The following RUNX3 variants were observed in gnomAD, a reference collection of about 807,000 sequenced individuals.
The protein encoded by RUNX3 is runt-related transcription factor 3.
Under a neutral mutation model 27.7 loss-of-function variants are expected in RUNX3, and 10 were observed. That is an observed-to-expected ratio of 0.36 (90% CI 0.22 to 0.61). The LOEUF (loss-of-function observed/expected upper bound fraction) is 0.61, where lower values mean the gene tolerates loss of function less well. RUNX3 is among the 20% of genes least tolerant of loss of function. The pLI is 0.72. For synonymous variants in RUNX3, 270 were observed against 269.2 expected, an observed-to-expected ratio of 1.00 and a Z score of -0.03; for missense variants, 469 against 629.5, an observed-to-expected ratio of 0.75 and a Z score of 2.73.
At chr1:24,919,199 C>G (rs953786684) in intron 3 of RUNX3, 41 bp downstream of exon 3, 3 of 1,308,314 alleles carry the variant, frequency 2.3e-6, no homozygotes, top group African/African-American at 3.0e-5. Context: ...ACTGGACCCT[C>G]CTCCCCCGCG....
At chr1:24,935,303 C>G (rs1024410803) in intron 2 of RUNX3, among the ~76,000 whole-genome samples, 1 of 152,210 alleles carries the variant, frequency 6.6e-6, no homozygotes, top group South Asian at 2.1e-4. Context: ...CGGGGGTGCA[C>G]TTTCAAGGCC....
Position 24,902,208 on chromosome 1 carries a change from C to A in RUNX3, c.1162G>T (p.Val388Leu). The change falls in exon 5 of 5, where the codon GTG (valine) becomes TTG (leucine). Residue 388 changes from valine (V) to leucine (L), a missense_variant. Val to Leu is a conservative substitution (Grantham distance 32). This residue lies in a region of RUNX3 where 279 missense variants were observed against 343.0 expected (regional missense o/e 0.81). Transcript: ENST00000308873. This position sits in a 1 kb window ranked among gnomAD's most constrained non-coding sequence, Gnocchi z 9.2. The part of the protein sequence containing the change: ...NPSLGGQSDG[V>L]EADGSHSNSP... ...TTGCTGTGGCTGCCGTCGGCCTCCA[C>A]GCCATCACTCTGGCCGCCCAGGCTG... is the stretch of plus-strand genomic sequence containing the variant. 6.4e-7 allele frequency: 1 copy of A among 1,570,394 alleles called. No homozygotes were observed. The highest frequency in any genetic ancestry group is 8.6e-7 in the Non-Finnish European group (1 of 1,159,694).
chr1:24,925,108 C>G (rs1395735550), intron 2 of RUNX3, among the ~76,000 whole-genome samples: 1 of 152,176 alleles, frequency 6.6e-6, no homozygotes, highest in Admixed American at 6.5e-5. Context: ...TCCCAACCCC[C>G]AGTCTTAACT....
intron 2 of RUNX3, among the ~76,000 whole-genome samples, chr1:24,948,602 G>C (rs1641674220): frequency 6.6e-6 from 1 of 151,848 alleles, no homozygotes; most frequent in African/African-American, 2.4e-5. Flanking sequence ...GGTGCATGTG[G>C]AGGAGGGGTA....
intron 2 of RUNX3, among the ~76,000 whole-genome samples, chr1:24,950,662 G>C (rs2124360736): frequency 6.6e-6 from 1 of 152,258 alleles, no homozygotes; most frequent in South Asian, 2.1e-4. Flanking sequence ...CCCTCTGCTT[G>C]GAGTATCTGG....
chr1:24,920,438 C>A (rs774333601), intron 2 of RUNX3, among the ~76,000 whole-genome samples: 2 of 152,120 alleles, frequency 1.3e-5, no homozygotes, highest in Non-Finnish European at 2.9e-5. Context: ...CTGCGTCACA[C>A]CCCAGGGATG....
At position 24,946,044 on chromosome 1, in the gene RUNX3, A is replaced by AGAAT. The variant is rs533843893; in HGVS notation, c.59-16196_59-16193dup. Among the ~76,000 whole-genome samples the AGAAT allele has an allele frequency of 5.2e-3, 793 of 152,240 alleles. 5 individuals are homozygous for AGAAT. The highest frequency in any genetic ancestry group is 8.0e-3 in the Admixed American group (122 of 15,302). On this transcript the variant is annotated intron_variant, in intron 2 of 6. Transcript: ENST00000338888. Reference sequence around the variant, plus strand: ...TTAGGGGGGTTCCCAGAAGCATTTGAGAATGAATGAATGAATGAATGAATG... The same window carrying AGAAT: ...TTAGGGGGGTTCCCAGAAGCATTTGAGAATGAATGAATGAATGAATGAATGAATG...
chr1:24,964,779 T>C (rs1642216817), intron 1 of RUNX3: 1 of 1,273,878 alleles, frequency 7.9e-7, no homozygotes, highest in Admixed American at 2.9e-5. Flanking sequence ...AACGCGAGAG[T>C]GTGTGTGAGT....
In RUNX3 at chr1:24,902,666, C is replaced by T; in HGVS notation, c.704G>A (p.Gly235Asp). ...FSSQPQTPIQ[G>D]TSELNPFSDP... ...GGAGAATGGGTTCAGTTCCGAGGTG[C>T]CTGGAGGACAGCAGGGAAGAGGTCA... The change falls in exon 5 of 5, where the codon GGC becomes GAC. Residue 235 changes from glycine to aspartate, a missense_variant and splice_region_variant. Gly to Asp is a moderately conservative substitution (Grantham distance 94). Around this residue, in one of 3 missense-constraint regions of RUNX3, gnomAD observed 279 missense variants for 343.0 expected, o/e 0.81. Transcript: ENST00000308873. This position sits in a 1 kb window ranked among gnomAD's most constrained non-coding sequence, Gnocchi z 9.2. The T allele has an allele frequency of 1.3e-6, 2 of 1,513,144 alleles. No individual in the cohort carries two copies. The highest frequency in any genetic ancestry group is 1.8e-6 in the Non-Finnish European group (2 of 1,129,300). 93.7% of individuals were successfully genotyped at this position (1,513,144 alleles called of 1,614,324 possible).
rs1641545150 is a variant in RUNX3, at chr1:24,944,080, A to C, written c.59-14228T>G. Among the ~76,000 whole-genome samples the C allele has an allele frequency of 2.0e-5, 3 of 152,102 alleles. 1 individual carries two copies. Among genetic ancestry groups the C allele is most frequent in the African/African-American group, 7.2e-5 (3 of 41,394 alleles). On this transcript the variant is annotated intron_variant, in intron 2 of 6. Coordinates refer to the RUNX3 transcript ENST00000338888. ...GGGCCTTACAGAGTTTCTTATTAAA[A>C]TGTGAGTACTCCTGGAATGGGTGTC... is the stretch of plus-strand genomic sequence containing the variant.
chr1:24,927,050 C>A lies in RUNX3; in HGVS notation c.439+524G>T, dbSNP rs1211912438. Among the ~76,000 whole-genome samples, 1 of 152,096 alleles carries A rather than the reference C, an allele frequency of 6.6e-6. No individual in the cohort carries two copies. Among genetic ancestry groups the A allele is most frequent in the African/African-American group, 2.4e-5 (1 of 41,394 alleles). On this transcript the variant is annotated intron_variant, in intron 2 of 4. Transcript: ENST00000308873. This position sits in a 1 kb window ranked among gnomAD's most constrained non-coding sequence, Gnocchi z 5.0. ...AGCTGTGCTTTCCAACATTCAGCTG[C>A]GTTAGCTTCCGTTCTAGACCACCTA...
chr1:24,938,573 C>T (rs1571336644), intron 2 of RUNX3, among the ~76,000 whole-genome samples: 2 of 152,308 alleles, frequency 1.3e-5, no homozygotes, highest in East Asian at 3.9e-4. Flanking sequence ...GCCTGGAAAT[C>T]ACAGCTAAGA....
intron 2 of RUNX3, among the ~76,000 whole-genome samples, chr1:24,949,513 C>T (rs1641705018): frequency 1.3e-5 from 2 of 152,220 alleles, no homozygotes; most frequent in African/African-American, 4.8e-5. Context: ...CCTGACTCCC[C>T]AAGCGGCCAC....
In RUNX3 at chr1:24,919,232, G is replaced by A; in HGVS notation, c.544+8C>T. On this transcript the variant is annotated splice_region_variant and intron_variant, in intron 3 of 4. Transcript: ENST00000308873. ...GCGCAGGGGCTCAGGGGGCTCGGTG[G>A]CACTTACGTCTGGGCTCCCGGGGTC... The A allele has an allele frequency of 6.4e-7, 1 of 1,574,736 alleles. No individual in the cohort carries two copies. Among genetic ancestry groups the A allele is most frequent in the Non-Finnish European group, 8.6e-7 (1 of 1,156,074 alleles).
At chr1:24,958,893 T>C (rs901862830) in intron 2 of RUNX3, among the ~76,000 whole-genome samples, 1 of 152,170 alleles carries the variant, frequency 6.6e-6, no homozygotes, top group African/African-American at 2.4e-5. Flanking sequence ...GGGCACACTC[T>C]GGGTGGCAGA....
At position 24,904,068 on chromosome 1, in the gene RUNX3, A is replaced by G. The variant is rs376908409; in HGVS notation, c.704-1402T>C. On this transcript the variant is annotated intron_variant, in intron 4 of 4. Coordinates refer to ENST00000308873, the MANE Select transcript of RUNX3 (RefSeq NM_004350.3). The surrounding 1 kb of genome is among the most constrained non-coding windows in gnomAD (Gnocchi z 5.7). ...CCCTGCCAAGTTGAGGCCCTGGTGCAGGGCCTCCCTTCTACTCTGGCAGCC... is the reference window on the plus strand; with the variant it reads ...CCCTGCCAAGTTGAGGCCCTGGTGCGGGGCCTCCCTTCTACTCTGGCAGCC... Among the ~76,000 whole-genome samples, 1 of 152,134 alleles carries G rather than the reference A, an allele frequency of 6.6e-6. No homozygotes were observed. Among genetic ancestry groups the G allele is most frequent in the African/African-American group, 2.4e-5 (1 of 41,422 alleles).
At chr1:24,947,943 G>A (rs1213413977) in intron 2 of RUNX3, among the ~76,000 whole-genome samples, 2 of 152,196 alleles carry the variant, frequency 1.3e-5, no homozygotes, top group Non-Finnish European at 2.9e-5. Context: ...CTTTCTTCCT[G>A]GGGTGACCTG....
rs1442131561 is a variant in RUNX3, at chr1:24,904,848, G to A, written c.704-2182C>T. Among the ~76,000 whole-genome samples, 6 of 152,158 alleles carry A rather than the reference G, an allele frequency of 3.9e-5. No homozygotes were observed. The highest frequency in any genetic ancestry group is 5.9e-5 in the Non-Finnish European group (4 of 68,000). On this transcript the variant is annotated intron_variant, in intron 4 of 4. Coordinates refer to ENST00000308873, the MANE Select transcript of RUNX3 (RefSeq NM_004350.3). This position sits in a 1 kb window ranked among gnomAD's most constrained non-coding sequence, Gnocchi z 5.7. ...CCTCAGACCCCCCAGCAGCTTCCTTGGAGCTCCTGTACCCCCACCCTGCGG... is the reference window on the plus strand; with the variant it reads ...CCTCAGACCCCCCAGCAGCTTCCTTAGAGCTCCTGTACCCCCACCCTGCGG...
At chr1:24,932,247 G>T (rs1441392199), upstream of RUNX3, among the ~76,000 whole-genome samples, 1 of 151,886 alleles carries the variant, frequency 6.6e-6, no homozygotes, top group Non-Finnish European at 1.5e-5. Flanking sequence ...CTGGCACCTG[G>T]CGCAGGGCCC....
Sources: gnomAD v4.1 joint callset for allele counts (sites outside exome capture counted in the v4.1 genomes callset) on GRCh38, gnomAD v4.1.1 for gene constraint, gnomAD v4.1.1 regional missense constraint, Gnocchi (gnomAD v3.1) non-coding constraint, MANE v1.5 for transcripts, NCBI Gene and HGNC (gene_info 2026-07-23, HGNC 2026-07-21) for gene names.